The following RAP1GAP2 variants were observed in gnomAD, a reference collection of about 807,000 sequenced individuals.
RAP1GAP2 encodes the protein rap1 GTPase-activating protein 2.
RAP1GAP2 carries 27 observed loss-of-function variants against 95.0 expected under a neutral mutation model. That is an observed-to-expected ratio of 0.28 (90% CI 0.21 to 0.39). The LOEUF (loss-of-function observed/expected upper bound fraction) is 0.39. RAP1GAP2 is among the 10% of genes least tolerant of loss of function. The pLI is 1.00. For missense variants in RAP1GAP2, 771 were observed against 970.0 expected, an observed-to-expected ratio of 0.79 and a Z score of 2.72; for synonymous variants, 373 against 380.9, an observed-to-expected ratio of 0.98 and a Z score of 0.24.
At chr17:2,875,500 G>A (rs2073056231) in intron 2 of RAP1GAP2, among the ~76,000 whole-genome samples, 1 of 152,166 alleles carries the variant, frequency 6.6e-6, no homozygotes, top group South Asian at 2.1e-4. Flanking sequence ...ATGGCGTCCA[G>A]TGTATGGCTA....
Position 2,963,269 on chromosome 17 carries a change from G to T in RAP1GAP2, c.247-161G>T, listed in dbSNP as rs757448138. The T allele has an allele frequency of 3.5e-5, 28 of 799,582 alleles. No individual in the cohort carries two copies. Among genetic ancestry groups the T allele is most frequent in the Non-Finnish European group, 5.6e-5 (26 of 467,372 alleles). The allele number at this position is 799,582 out of a possible 1,614,324, so 49.5% of individuals were successfully genotyped here. ...CTGTCAGTTTGGAGAAGAACATGGG[G>T]GATGTTAGATTCCAGAGCTGATTCT... On this transcript the variant is annotated intron_variant, in intron 5 of 24. Transcript: ENST00000254695. The surrounding 1 kb of genome is among the most constrained non-coding windows in gnomAD (Gnocchi z 4.8).
Position 3,008,797 on chromosome 17 carries a change from G to A in RAP1GAP2, c.1494+652G>A, listed in dbSNP as rs958758383. ...ATCTTATGCTTGCTGAGTGCTTGTT[G>A]GTCCACGCAGCACGTAGACCCAGCA... On this transcript the variant is annotated intron_variant, in intron 17 of 24. Transcript: ENST00000254695. This position sits in a 1 kb window ranked among gnomAD's most constrained non-coding sequence, Gnocchi z 4.2. Among the ~76,000 whole-genome samples, 6 of 152,210 alleles carry A rather than the reference G, an allele frequency of 3.9e-5. No homozygotes were observed. The highest frequency in any genetic ancestry group is 1.2e-4 in the African/African-American group (5 of 41,456).
At chr17:2,930,572 G>A (rs1023248870) in intron 3 of RAP1GAP2, among the ~76,000 whole-genome samples, 1 of 152,196 alleles carries the variant, frequency 6.6e-6, no homozygotes, top group African/African-American at 2.4e-5. Context: ...AGGTCTGCAA[G>A]GCAGCACCAG....
rs754186010 is a variant in RAP1GAP2, at chr17:2,905,280, A to C, written c.81-4A>C. The stretch of plus-strand genomic sequence containing the variant: ...CTCACTCACCTCTTTTGGCCTCTTC[A>C]CAGGAAGCAGGAGCTGGCCAACAGC... On this transcript the variant is annotated splice_polypyrimidine_tract_variant and splice_region_variant and intron_variant, in intron 2 of 24. Transcript: ENST00000254695. 2.5e-6 allele frequency: 4 copies of C among 1,613,458 alleles called. No individual in the cohort carries two copies. The African/African-American group carries it at 5.3e-5, about 22-fold the overall frequency.
At chr17:2,812,360 C>G (rs926969451) in intron 2 of RAP1GAP2, among the ~76,000 whole-genome samples, 1 of 152,146 alleles carries the variant, frequency 6.6e-6, no homozygotes, top group Non-Finnish European at 1.5e-5. Flanking sequence ...CTCCTGTCTC[C>G]CGGTTCAGGC....
intron 8 of RAP1GAP2, among the ~76,000 whole-genome samples, chr17:2,966,119 G>A (rs2151495763): frequency 6.6e-6 from 1 of 152,308 alleles, no homozygotes; most frequent in Non-Finnish European, 1.5e-5. Context: ...CAGGAGCACT[G>A]ATTTATAGCG....
chr17:2,921,087 A>G (rs1158512419), intron 3 of RAP1GAP2, among the ~76,000 whole-genome samples: 4 of 151,952 alleles, frequency 2.6e-5, no homozygotes, highest in Non-Finnish European at 1.5e-5. Context: ...CTCTTGGCGG[A>G]GTGTGGAGCT....
rs2151487864 is a variant in RAP1GAP2 at position 2,963,387 on chromosome 17, C to T, written c.247-43C>T. ...GGAAACAGTGGTCAGACTTTACGGG[C>T]ACTGCCGGGACTAACGGTGGCATCA... On this transcript the variant is annotated intron_variant, in intron 5 of 24. Coordinates refer to ENST00000254695, the MANE Select transcript of RAP1GAP2 (RefSeq NM_015085.5). This position sits in a 1 kb window ranked among gnomAD's most constrained non-coding sequence, Gnocchi z 4.8. 1 of 1,613,126 alleles carries T rather than the reference C, an allele frequency of 6.2e-7. No homozygotes were observed. The highest frequency in any genetic ancestry group is 8.5e-7 in the Non-Finnish European group (1 of 1,179,282).
At chr17:2,993,342 G>A (rs2045836284) in intron 12 of RAP1GAP2, among the ~76,000 whole-genome samples, 2 of 152,120 alleles carry the variant, frequency 1.3e-5, no homozygotes, top group Admixed American at 1.3e-4. Flanking sequence ...GGGAGGCTGA[G>A]GCGGGCAGAT....
chr17:2,766,004 G>A (rs536017444), intron 1 of RAP1GAP2, among the ~76,000 whole-genome samples: 12 of 152,164 alleles, frequency 7.9e-5, no homozygotes, highest in African/African-American at 2.2e-4. Flanking sequence ...TAACCTGGCC[G>A]TCCTATTATT....
At chr17:2,998,428 G>A in intron 14 of RAP1GAP2, 52 bp downstream of exon 14, 1 of 1,583,580 alleles carries the variant, frequency 6.3e-7, no homozygotes, top group Non-Finnish European at 8.7e-7. Context: ...ACCTCACCCT[G>A]TGTGGATGCT....
chr17:2,981,920 C>T (rs1013227158), intron 10 of RAP1GAP2, among the ~76,000 whole-genome samples: 2 of 152,196 alleles, frequency 1.3e-5, no homozygotes, highest in African/African-American at 4.8e-5. Flanking sequence ...CCCAGTGCAT[C>T]GACTGCGTCT....
intron 8 of RAP1GAP2, among the ~76,000 whole-genome samples, chr17:2,974,185 C>CA (rs59861570): frequency 0.016 from 2,154 of 137,700 alleles, 26 homozygotes; most frequent in African/African-American, 0.03. Context: ...ACTAAAAATA[C>CA]AAAAAAAAAA....
intron 14 of RAP1GAP2, among the ~76,000 whole-genome samples, chr17:2,999,933 G>A (rs1187629338): frequency 6.6e-6 from 1 of 152,116 alleles, no homozygotes; most frequent in East Asian, 1.9e-4. Flanking sequence ...CGAAGACATG[G>A]TGTGAGCATT....
chr17:3,026,055 C>G lies in RAP1GAP2; in HGVS notation c.1799C>G (p.Ser600Cys). 6.2e-7 allele frequency: 1 copy of G among 1,613,826 alleles called. No individual in the cohort carries two copies. The change falls in exon 20 of 25, where the codon TCT becomes TGT. Residue 600 changes from serine (S) to cysteine (C), a missense_variant. Physicochemically the swap from Ser to Cys is moderately radical, Grantham distance 112. Transcript: ENST00000254695. ...AAGACCCCAGATGGTGGACACTCCT[C>G]TCAGGAGATAAAGTCTGAGACCTCA... ...TPKTPDGGHS[S>C]QEIKSETSSN...
intron 12 of RAP1GAP2, among the ~76,000 whole-genome samples, chr17:2,994,206 C>G (rs2045876954): frequency 6.6e-6 from 1 of 152,140 alleles, no homozygotes. Flanking sequence ...AGAAGCAGGT[C>G]TAGAACCCGG....
At chr17:2,913,903 C>G (rs979067959) in intron 3 of RAP1GAP2, among the ~76,000 whole-genome samples, 2 of 151,604 alleles carry the variant, frequency 1.3e-5, no homozygotes, top group Non-Finnish European at 2.9e-5. Context: ...TGGAGTCTCG[C>G]TCTGTTGCCC....
upstream of RAP1GAP2, among the ~76,000 whole-genome samples, chr17:2,791,465 C>T (rs554344674): frequency 2.6e-5 from 4 of 152,308 alleles, no homozygotes; most frequent in African/African-American, 9.6e-5. Flanking sequence ...CTGAGTTTTG[C>T]TTTAGGACCT....
chr17:2,911,315 C>CAGAT (rs2042374334), intron 3 of RAP1GAP2, among the ~76,000 whole-genome samples: 1 of 144,886 alleles, frequency 6.9e-6, no homozygotes, highest in Non-Finnish European at 1.5e-5. Context: ...AGATGCTGAC[C>CAGAT]AGATGGGCTG....
Sources: allele counts gnomAD v4.1 joint callset (sites outside exome capture counted in the v4.1 genomes callset), GRCh38; gene constraint gnomAD v4.1.1; non-coding constraint Gnocchi (gnomAD v3.1); transcripts MANE v1.5; gene names NCBI Gene and HGNC (gene_info 2026-07-23, HGNC 2026-07-21).